The following XIST variants were observed in gnomAD, a reference collection of about 807,000 sequenced individuals.
XIST encodes X inactive specific transcript.
intron 3 of XIST, among the ~76,000 whole-genome samples, chrX:73,832,013 A>G (rs748192523): frequency 1.5e-4 from 17 of 112,441 alleles, no homozygotes; most frequent in Non-Finnish European, 2.8e-4. Flanking sequence ...GAAACCAAGA[A>G]TGGTCACAAG....
exon 6 of XIST, chrX:73,824,026 A>G: frequency 1.8e-6 from 1 of 555,360 alleles, no homozygotes; most frequent in East Asian, 3.3e-5. Context: ...AATAATGATA[A>G]TAAATGTTTG....
At chrX:73,841,397 C>CAG (rs759668258) in exon 1 of XIST, 1 of 532,696 alleles carries the variant, frequency 1.9e-6, no homozygotes. Context: ...TCTAAAGAGC[C>CAG]AGAGACTCTT....
chrX:73,837,008 GAA>G (rs1319823611), intron 2 of XIST, among the ~76,000 whole-genome samples: 1 of 111,670 alleles, frequency 9.0e-6, no homozygotes, highest in East Asian at 2.8e-4. Flanking sequence ...ACATTGTGGA[GAA>G]AAGACATCCT....
intron 5 of XIST, chrX:73,828,537 A>T (rs1290172527): frequency 8.8e-6 from 1 of 114,021 alleles, no homozygotes; most frequent in Non-Finnish European, 1.8e-5. Context: ...GCCAAATGGG[A>T]TGTCACAGAT....
At chrX:73,823,827 A>G (rs1339980051) in exon 6 of XIST, 2 of 556,459 alleles carry the variant, frequency 3.6e-6, no homozygotes, top group Non-Finnish European at 6.5e-6. Context: ...TTTGGTCTGG[A>G]TCTCACACCT....
rs190230973 is a variant in XIST, at chrX:73,847,516, G to A, written n.5208C>T. On this transcript the variant is annotated non_coding_transcript_exon_variant, in exon 1 of 6. Coordinates refer to ENST00000429829, the Ensembl canonical transcript of XIST. Reference sequence around the variant, plus strand: ...ATTACAGGTGTGAGCCACCACACCCGGCCTCAGGGCAATTTTGCATAATAG... The same window carrying A: ...ATTACAGGTGTGAGCCACCACACCCAGCCTCAGGGCAATTTTGCATAATAG... The A allele has an allele frequency of 2.2e-4, 114 of 510,806 alleles. 1 individual carries two copies. The highest frequency in any genetic ancestry group is 1.9e-3 in the African/African-American group (80 of 42,597). 42.1% of individuals were successfully genotyped at this position (510,806 alleles called of 1,213,427 possible).
chrX:73,833,930 A>T (rs1221745171), intron 2 of XIST, among the ~76,000 whole-genome samples: 1 of 111,644 alleles, frequency 9.0e-6, no homozygotes, highest in Non-Finnish European at 1.9e-5. Flanking sequence ...GGATTACTGT[A>T]TCATGAGGAA....
rs756738737 is a variant in XIST, at chrX:73,823,266, G to A, written n.16635C>T. The A allele has an allele frequency of 1.0e-5, 5 of 499,791 alleles. No homozygotes were observed. In the South Asian group the frequency reaches 1.4e-4, roughly 14 times the overall value. 41.2% of individuals were successfully genotyped at this position (499,791 alleles called of 1,213,427 possible). On this transcript the variant is annotated non_coding_transcript_exon_variant, in exon 6 of 6. Coordinates refer to ENST00000429829, the Ensembl canonical transcript of XIST. ...TGATTTGGGGGATTCCTGAAACTAG[G>A]AAAAATGTCTCTTTATTTTGAAAGA...
chrX:73,821,956 G>A, exon 6 of XIST: 2 of 557,566 alleles, frequency 3.6e-6, no homozygotes, highest in Non-Finnish European at 6.5e-6. Context: ...GAGAAATCAT[G>A]TCTCCATCTC....
exon 6 of XIST, chrX:73,827,203 T>C (rs368510098): frequency 2.0e-5 from 11 of 556,606 alleles, no homozygotes; most frequent in Non-Finnish European, 2.9e-5. Context: ...CAGCCTGGCA[T>C]AAGGAACCGC....
chrX:73,836,872 T>C (rs1416490312), intron 2 of XIST, among the ~76,000 whole-genome samples: 2 of 111,382 alleles, frequency 1.8e-5, no homozygotes, highest in Non-Finnish European at 3.8e-5. Flanking sequence ...CAAAGCCAAA[T>C]GAAAGACCTC....
exon 1 of XIST, chrX:73,845,968 T>G (rs961885941): frequency 1.8e-6 from 1 of 551,095 alleles, no homozygotes; most frequent in African/African-American, 2.4e-5. Context: ...CTTATTCAGA[T>G]GGAATGGGCA....
chrX:73,845,210 A>G (rs991295263), exon 1 of XIST: 2 of 556,041 alleles, frequency 3.6e-6, no homozygotes, highest in African/African-American at 4.5e-5. Context: ...GCCAGAAGGG[A>G]AAGGAAGATT....
chrX:73,821,793 C>T (rs1330820658), exon 6 of XIST: 1 of 513,765 alleles, frequency 1.9e-6, no homozygotes, highest in African/African-American at 2.3e-5. Flanking sequence ...CCAATTATTT[C>T]CAATTTTTAT....
chrX:73,834,430 C>T (rs1275316869), intron 2 of XIST, among the ~76,000 whole-genome samples: 3 of 112,350 alleles, frequency 2.7e-5, no homozygotes, highest in East Asian at 2.8e-4. Context: ...TTTCCCTTAA[C>T]GGGAATCTAA....
chrX:73,835,424 C>A (rs1426509363), intron 2 of XIST, among the ~76,000 whole-genome samples: 2 of 112,075 alleles, frequency 1.8e-5, no homozygotes, highest in Non-Finnish European at 1.9e-5. Context: ...TTGAAAACAG[C>A]AGTTTGGTGA....
exon 1 of XIST, chrX:73,843,805 T>TA: frequency 1.8e-6 from 1 of 558,734 alleles, no homozygotes; most frequent in South Asian, 2.2e-5. Context: ...CAGGAGCAAA[T>TA]GTAATTGCAC....
intron 2 of XIST, chrX:73,833,736 T>G (rs753011007): frequency 7.8e-6 from 1 of 128,034 alleles, no homozygotes; most frequent in African/African-American, 3.2e-5. Context: ...GCAATTGTCT[T>G]GACTGTTTTT....
chrX:73,834,610 G>A (rs1173836842), intron 2 of XIST, among the ~76,000 whole-genome samples: 1 of 112,020 alleles, frequency 8.9e-6, no homozygotes, highest in Non-Finnish European at 1.9e-5. Flanking sequence ...GTCTTATGGA[G>A]AGAATAACTG....
Sources: allele counts gnomAD v4.1 joint callset (sites outside exome capture counted in the v4.1 genomes callset), GRCh38; gene constraint gnomAD v4.1.1; transcripts MANE v1.5; gene names NCBI Gene and HGNC (gene_info 2026-07-23, HGNC 2026-07-21).